CDKAL1: variants seen among roughly 807,000 people sequenced by gnomAD.
CDKAL1 encodes threonylcarbamoyladenosine tRNA methylthiotransferase.
CDKAL1 carries 32 observed loss-of-function variants against 68.2 expected under a neutral mutation model. That is an observed-to-expected ratio of 0.47 (90% CI 0.35 to 0.63). The LOEUF is 0.63. Among genes scored for constraint, CDKAL1 ranks in the 30% least tolerant of loss-of-function variants. The pLI is 0.00. For synonymous variants in CDKAL1, 234 were observed against 244.3 expected, an observed-to-expected ratio of 0.96 and a Z score of 0.39; for missense variants, 606 against 696.7, an observed-to-expected ratio of 0.87 and a Z score of 1.47.
chr6:21,204,365 A>C lies in CDKAL1; in HGVS notation c.1548+3091A>C, dbSNP rs553732170. Among the ~76,000 whole-genome samples the C allele has an allele frequency of 5.3e-5, 8 of 152,316 alleles. 1 individual carries two copies. In the South Asian group the frequency reaches 1.7e-3, roughly 32 times the overall value. On this transcript the variant is annotated intron_variant, in intron 15 of 15. Transcript: ENST00000274695. ...ATCTACCCCTATTCCCCCAACCCTG[A>C]TTATTTTGAAGAAAATCCCATTTAC...
intron 13 of CDKAL1, among the ~76,000 whole-genome samples, chr6:21,154,314 GGAAACAAA>G (rs1776544874): frequency 6.6e-6 from 1 of 152,118 alleles, no homozygotes; most frequent in Non-Finnish European, 1.5e-5. Flanking sequence ...CCCATTCTAA[GGAAACAAA>G]GTTGGCCCAG....
intron 15 of CDKAL1, among the ~76,000 whole-genome samples, chr6:21,222,994 AC>A (rs1323202699): frequency 1.3e-5 from 2 of 152,270 alleles, no homozygotes; most frequent in African/African-American, 2.4e-5. Context: ...GGTCACAATT[AC>A]AAATTCGCAA....
chr6:20,677,902 A>T (rs1249729741), intron 5 of CDKAL1, among the ~76,000 whole-genome samples: 5 of 152,012 alleles, frequency 3.3e-5, no homozygotes, highest in Non-Finnish European at 5.9e-5. Flanking sequence ...AGCTGCTTAA[A>T]TTTTTTTATT....
At chr6:20,945,744 A>C (rs1281079630) in intron 9 of CDKAL1, among the ~76,000 whole-genome samples, 1 of 152,172 alleles carries the variant, frequency 6.6e-6, no homozygotes, top group Non-Finnish European at 1.5e-5. Flanking sequence ...GACAAGCACC[A>C]CTTTCTTTCC....
chr6:20,833,471 A>G (rs1433359116), intron 8 of CDKAL1, among the ~76,000 whole-genome samples: 1 of 152,158 alleles, frequency 6.6e-6, no homozygotes, highest in African/African-American at 2.4e-5. Context: ...AGGATCTTAG[A>G]TGATACATAG....
intron 13 of CDKAL1, among the ~76,000 whole-genome samples, chr6:21,194,545 G>C (rs1462616454): frequency 3.9e-5 from 6 of 152,176 alleles, no homozygotes; most frequent in Non-Finnish European, 8.8e-5. Context: ...CAGATGCCCT[G>C]CCTTAGTTCT....
intron 4 of CDKAL1, among the ~76,000 whole-genome samples, chr6:20,555,625 G>GT (rs61408771): frequency 0.69 from 85,288 of 123,574 alleles, 29,969 homozygotes; most frequent in Middle Eastern, 0.83. Flanking sequence ...AGCCAGAGTT[G>GT]TTTTTTTTTT....
chr6:20,692,251 C>T (rs1461255701), intron 5 of CDKAL1, among the ~76,000 whole-genome samples: 2 of 152,116 alleles, frequency 1.3e-5, no homozygotes, highest in African/African-American at 4.8e-5. Flanking sequence ...TTAAACATGT[C>T]AAAATGACTA....
At chr6:20,729,847 T>G (rs1772827077) in intron 5 of CDKAL1, among the ~76,000 whole-genome samples, 1 of 152,186 alleles carries the variant, frequency 6.6e-6, no homozygotes, top group Non-Finnish European at 1.5e-5. Flanking sequence ...TGTTAGCTAC[T>G]CCTCGTGGTT....
intron 12 of CDKAL1, among the ~76,000 whole-genome samples, chr6:21,094,467 A>G (rs528393390): frequency 2.0e-5 from 3 of 152,214 alleles, no homozygotes; most frequent in Non-Finnish European, 2.9e-5. Context: ...TTTAAGATTA[A>G]CAGAGTTGCT....
intron 5 of CDKAL1, among the ~76,000 whole-genome samples, chr6:20,710,786 A>G (rs1477624032): frequency 6.6e-6 from 1 of 152,172 alleles, no homozygotes; most frequent in African/African-American, 2.4e-5. Flanking sequence ...AACATGCAGT[A>G]ATGGATTATT....
chr6:20,880,366 C>T (rs1417113643), intron 9 of CDKAL1, among the ~76,000 whole-genome samples: 1 of 152,100 alleles, frequency 6.6e-6, no homozygotes, highest in Non-Finnish European at 1.5e-5. Context: ...AGCTATTCCC[C>T]AGCCTCAGCT....
intron 5 of CDKAL1, among the ~76,000 whole-genome samples, chr6:20,666,188 T>A (rs918893453): frequency 6.6e-6 from 1 of 151,992 alleles, no homozygotes; most frequent in African/African-American, 2.4e-5. Flanking sequence ...TGAAAGAGGA[T>A]GTGCAAATAA....
At chr6:21,165,901 A>AG (rs915288154) in intron 13 of CDKAL1, among the ~76,000 whole-genome samples, 2 of 152,214 alleles carry the variant, frequency 1.3e-5, no homozygotes, top group African/African-American at 2.4e-5. Flanking sequence ...CTTAAAGCCT[A>AG]GTTCTGTGAT....
chr6:21,106,100 A>T (rs1773831857), intron 12 of CDKAL1, among the ~76,000 whole-genome samples: 1 of 152,220 alleles, frequency 6.6e-6, no homozygotes, highest in South Asian at 2.1e-4. Flanking sequence ...GTACTGTCTG[A>T]TCCTGAAACT....
At chr6:21,192,170 C>T (rs576077857) in intron 13 of CDKAL1, among the ~76,000 whole-genome samples, 2 of 148,282 alleles carry the variant, frequency 1.3e-5, no homozygotes, top group Admixed American at 6.7e-5. Context: ...TACAGGCGCC[C>T]ACCACCGCGC....
chr6:20,609,300 C>CCTT (rs146820654), intron 4 of CDKAL1, among the ~76,000 whole-genome samples: 1 of 144,780 alleles, frequency 6.9e-6, no homozygotes, highest in East Asian at 2.0e-4. Flanking sequence ...TTCTCCTTCT[C>CCTT]CTCCTCCTCC....
intron 2 of CDKAL1, among the ~76,000 whole-genome samples, chr6:20,536,826 A>C (rs1763191982): frequency 6.6e-6 from 1 of 152,200 alleles, no homozygotes; most frequent in Non-Finnish European, 1.5e-5. Context: ...ACTGAAAAAG[A>C]AAAAATGTTC....
chr6:20,797,124 A>G (rs1378257590), intron 8 of CDKAL1, among the ~76,000 whole-genome samples: 1 of 152,202 alleles, frequency 6.6e-6, no homozygotes, highest in Non-Finnish European at 1.5e-5. Flanking sequence ...TGCAGATCAC[A>G]TACACAGCAT....
Sources: allele counts gnomAD v4.1 joint callset (sites outside exome capture counted in the v4.1 genomes callset), GRCh38; gene constraint gnomAD v4.1.1; transcripts MANE v1.5; gene names NCBI Gene and HGNC (gene_info 2026-07-23, HGNC 2026-07-21).